The following MTMR3 variants were observed in gnomAD, a reference collection of about 807,000 sequenced individuals.
MTMR3 encodes the protein myotubularin related protein 3, also known as phosphatidylinositol-3,5-bisphosphate 3-phosphatase MTMR3.
A neutral mutation model predicts 132.4 loss-of-function variants in MTMR3; 32 were observed. The observed-to-expected ratio is 0.24, with a 90% CI of 0.18 to 0.32. The LOEUF is 0.32. Among genes scored for constraint, MTMR3 ranks in the 10% least tolerant of loss-of-function variants. The pLI is 1.00. For missense variants in MTMR3, 1,216 were observed against 1,489.6 expected (o/e 0.82, Z 3.02); for synonymous variants, 556 against 550.3 (o/e 1.01, Z -0.14).
Position 29,883,665 on chromosome 22 carries a change from C to T in MTMR3, c.-138+306C>T, listed in dbSNP as rs368608194. Among the ~76,000 whole-genome samples, 38 of 152,256 alleles carry T rather than the reference C, an allele frequency of 2.5e-4. No homozygotes were observed. In the East Asian group the frequency reaches 6.4e-3, roughly 26 times the overall value. ...TTCCCAGACCTGGCGGGGATGGGCC[C>T]GTGCGGCTCTGGGTGTGGGACGTAC... On this transcript the variant is annotated intron_variant, in intron 1 of 19. Transcript: ENST00000401950.
At chr22:29,956,754 T>G (rs1028299191) in intron 1 of MTMR3, among the ~76,000 whole-genome samples, 6 of 152,178 alleles carry the variant, frequency 3.9e-5, no homozygotes, top group African/African-American at 1.4e-4. Context: ...CTTGCTTGAC[T>G]GAGAAAAACT....
At chr22:30,008,290 C>T in intron 11 of MTMR3, 1 of 372,530 alleles carries the variant, frequency 2.7e-6, no homozygotes, top group East Asian at 5.2e-5. Context: ...AGCAGATCTT[C>T]CCCATAATAA....
chr22:29,978,407 C>G (rs1408389609), intron 3 of MTMR3, 35 bp from the exon 4 acceptor site: 1 of 1,543,820 alleles, frequency 6.5e-7, no homozygotes, highest in East Asian at 2.3e-5. Context: ...TGATTAGAAG[C>G]TTTGAAATTA....
chr22:30,007,962 G>A lies in MTMR3; in HGVS notation c.939G>A (p.Leu313=). The change falls in exon 11 of 20, where the codon TTG becomes TTA. Residue 313 remains leucine (L), a synonymous_variant. Coordinates refer to ENST00000401950, the MANE Select transcript of MTMR3 (RefSeq NM_021090.4). Reference sequence around the variant, plus strand: ...TAGCCATCCAACCGCAGAAGCTTTTGATCTTGGATGCACGCTCCTATGCAG... The same window carrying A: ...TAGCCATCCAACCGCAGAAGCTTTTAATCTTGGATGCACGCTCCTATGCAG... ...ESLAIQPQKL[L]ILDARSYAAA... is the part of the protein sequence containing the mutation. The A allele has an allele frequency of 6.2e-7, 1 of 1,613,618 alleles. No individual in the cohort carries two copies. Among genetic ancestry groups the A allele is most frequent in the Non-Finnish European group, 8.5e-7 (1 of 1,180,020 alleles).
intron 19 of MTMR3, chr22:30,023,457 G>A (rs373494563): frequency 1.2e-6 from 2 of 1,614,100 alleles, no homozygotes; most frequent in African/African-American, 2.7e-5. Context: ...CTCCTTGCAG[G>A]GACACTGACC....
At chr22:29,943,871 T>C (rs989199439) in intron 1 of MTMR3, among the ~76,000 whole-genome samples, 1 of 148,298 alleles carries the variant, frequency 6.7e-6, no homozygotes, top group East Asian at 2.1e-4. Flanking sequence ...TTGCCCAGGC[T>C]GGAGTGTAGT....
intron 2 of MTMR3, among the ~76,000 whole-genome samples, chr22:29,963,489 A>C (rs913580414): frequency 2.0e-5 from 3 of 150,518 alleles, no homozygotes; most frequent in Admixed American, 6.7e-5. Flanking sequence ...TCTCGGGTTC[A>C]AGTGATTCTC....
chr22:30,003,046 T>C, intron 9 of MTMR3, 53 bp downstream of exon 9: 3 of 1,377,352 alleles, frequency 2.2e-6, no homozygotes. Flanking sequence ...GCCTGCTGCA[T>C]ATGGTCTGCT....
In MTMR3 at chr22:30,020,822, C is replaced by A. The variant is rs144524291; in HGVS notation, c.3163C>A (p.Arg1055Ser). 6.2e-7 allele frequency: 1 copy of A among 1,611,102 alleles called. No individual in the cohort carries two copies. The highest frequency in any genetic ancestry group is 8.5e-7 in the Non-Finnish European group (1 of 1,178,490). The change falls in exon 17 of 20, where the codon CGC becomes AGC. Residue 1055 changes from arginine to serine, a missense_variant. Physicochemically the swap from Arg to Ser is moderately radical, Grantham distance 110. Transcript: ENST00000401950. The stretch of plus-strand genomic sequence containing the variant: ...GAAACAAGTCCAGGAGCTGAAGAGT[C>A]GCCTGGAGAGCCAGTACCTGACCAG... Reference protein sequence around the residue: ...LKKQVQELKSRLESQYLTSSL... With the variant: ...LKKQVQELKSSLESQYLTSSL...
Position 29,933,219 on chromosome 22 carries a change from C to T in MTMR3, c.-137-23817C>T, listed in dbSNP as rs139641180. ...TCCTGACCTCATGATCCACCTGCCT[C>T]GGCCTCCCAAAGTGCTGGGATTACA... On this transcript the variant is annotated intron_variant, in intron 1 of 19. Coordinates refer to ENST00000401950, the MANE Select transcript of MTMR3 (RefSeq NM_021090.4). 5.3e-3 allele frequency among the ~76,000 whole-genome samples: 803 copies of T among 152,016 alleles called. 6 individuals carry two copies. Among genetic ancestry groups the T allele is most frequent in the African/African-American group, 0.018 (754 of 41,494 alleles).
Position 30,029,809 on chromosome 22 carries a change from T to C in MTMR3, c.*4008T>C, listed in dbSNP as rs1216964075. The C allele has an allele frequency of 2.6e-5, 4 of 152,392 alleles. No homozygotes were observed. The highest frequency in any genetic ancestry group is 4.1e-4 in the South Asian group (2 of 4,834). 9.4% of individuals were successfully genotyped at this position (152,392 alleles called of 1,614,324 possible). ...GCAAAGTGACTATCCATTTGGACTT[T>C]TGGATAATGTGGCAGGAGTCCCAGC... On this transcript the variant is annotated 3_prime_UTR_variant, in exon 20 of 20. Transcript: ENST00000401950.
chr22:29,966,717 A>AGG (rs1398127376), intron 2 of MTMR3, among the ~76,000 whole-genome samples: 1 of 140,538 alleles, frequency 7.1e-6, no homozygotes, highest in Admixed American at 7.2e-5. Flanking sequence ...GGTGACCTGT[A>AGG]GGGGTGTGCG....
chr22:29,948,728 A>C (rs1433230287), intron 1 of MTMR3, among the ~76,000 whole-genome samples: 1 of 152,048 alleles, frequency 6.6e-6, no homozygotes, highest in African/African-American at 2.4e-5. Context: ...TAGAATAAGC[A>C]GTGTAAATTT....
chr22:29,896,958 C>T (rs957160935), intron 1 of MTMR3, among the ~76,000 whole-genome samples: 1 of 151,428 alleles, frequency 6.6e-6, no homozygotes, highest in African/African-American at 2.4e-5. Flanking sequence ...CTCTGAATTC[C>T]ACAACCTTGG....
Position 30,013,520 on chromosome 22 carries a change from T to G in MTMR3, c.1482T>G (p.Phe494Leu), listed in dbSNP as rs1315512195. 6 of 1,614,066 alleles carry G rather than the reference T, an allele frequency of 3.7e-6. No homozygotes were observed. Among genetic ancestry groups the G allele is most frequent in the Non-Finnish European group, 5.1e-6 (6 of 1,179,948 alleles). ...TTCAGAGGCAATTTCCTTGCTCTTT[T>G]GAGTTCAATGAAGCATTCCTTGTAA... ...HQLQRQFPCS[F>L]EFNEAFLVKL... The change falls in exon 14 of 20, where the codon TTT becomes TTG. Residue 494 changes from phenylalanine to leucine, a missense_variant. Physicochemically the swap from Phe to Leu is conservative, Grantham distance 22 (BLOSUM62 0). Coordinates refer to ENST00000401950, the MANE Select transcript of MTMR3 (RefSeq NM_021090.4).
In MTMR3 at chr22:29,930,642, T is replaced by C. The variant is rs187628489; in HGVS notation, c.-137-26394T>C. On this transcript the variant is annotated intron_variant, in intron 1 of 19. Coordinates refer to ENST00000401950, the MANE Select transcript of MTMR3 (RefSeq NM_021090.4). Reference sequence around the variant, plus strand: ...GGAAGGTCAAGGCTGCAGTGAGCTGTGATTGTGCCACTGCACTCCAGCCTG... The same window carrying C: ...GGAAGGTCAAGGCTGCAGTGAGCTGCGATTGTGCCACTGCACTCCAGCCTG... Among the ~76,000 whole-genome samples, 897 of 152,220 alleles carry C rather than the reference T, an allele frequency of 5.9e-3. 1 individual carries two copies. Among genetic ancestry groups the C allele is most frequent in the Non-Finnish European group, 0.011 (716 of 67,998 alleles).
Position 30,020,141 on chromosome 22 carries a change from C to G in MTMR3, c.2482C>G (p.Leu828Val). ...VGYGTSQSCS[L>V]LPSQVPFETR... ...CTATGGTACCTCACAGTCATGTTCT[C>G]TGCTACCTTCCCAAGTCCCTTTTGA... The change falls in exon 17 of 20, where the codon CTG (leucine) becomes GTG (valine). Residue 828 changes from leucine (L) to valine (V), a missense_variant. By Grantham distance (32) the Leu-to-Val change is conservative. This residue lies in a region of MTMR3 where 852 missense variants were observed against 852.0 expected (regional missense o/e 1.00). Transcript: ENST00000401950. 2 of 1,614,236 alleles carry G rather than the reference C, an allele frequency of 1.2e-6. No homozygotes were observed. Among genetic ancestry groups the G allele is most frequent in the Non-Finnish European group, 1.7e-6 (2 of 1,180,048 alleles).
chr22:30,023,490 A>G (rs147258515), intron 19 of MTMR3: 160 of 1,614,000 alleles, frequency 9.9e-5, no homozygotes, highest in Non-Finnish European at 1.3e-4. Flanking sequence ...CGTGGTGAGC[A>G]TTTGCAACAA....
chr22:29,934,613 CTT>C (rs2065712289), intron 1 of MTMR3, among the ~76,000 whole-genome samples: 1 of 152,112 alleles, frequency 6.6e-6, no homozygotes, highest in Non-Finnish European at 1.5e-5. Context: ...TATTTGGAGA[CTT>C]TGAAAAGATT....
Sources: gnomAD v4.1 joint callset for allele counts (sites outside exome capture counted in the v4.1 genomes callset) on GRCh38, gnomAD v4.1.1 for gene constraint, gnomAD v4.1.1 regional missense constraint, MANE v1.5 for transcripts, NCBI Gene and HGNC (gene_info 2026-07-23, HGNC 2026-07-21) for gene names.